Variants in PRDM10 observed in about 807,000 individuals in gnomAD.
The protein encoded by PRDM10 is PR domain zinc finger protein 10.
A neutral mutation model predicts 133.1 loss-of-function variants in PRDM10; 65 were observed. That is an observed-to-expected ratio of 0.49 (90% CI 0.40 to 0.60). The LOEUF is 0.60. Ranked by LOEUF, PRDM10 falls within the 20% of genes least tolerant of loss-of-function variation. The pLI, the probability that PRDM10 is intolerant of heterozygous loss-of-function variation, is 0.00. For missense variants in PRDM10, 1,137 were observed against 1,507.1 expected, an observed-to-expected ratio of 0.75 and a Z score of 4.07; for synonymous variants, 582 against 580.4, an observed-to-expected ratio of 1.00 and a Z score of -0.04.
intron 17 of PRDM10, among the ~76,000 whole-genome samples, chr11:129,912,647 G>A (rs1950224550): frequency 6.6e-6 from 1 of 152,068 alleles, no homozygotes; most frequent in Non-Finnish European, 1.5e-5. Context: ...AGCTACTAGG[G>A]AGGCTGAGGC....
chr11:129,999,930 C>T (rs1486513652), intron 1 of PRDM10, among the ~76,000 whole-genome samples: 1 of 151,912 alleles, frequency 6.6e-6, no homozygotes, highest in Non-Finnish European at 1.5e-5. Context: ...AAGATTATGT[C>T]GTTTGTACAA....
rs1949878411 is a variant in PRDM10, at chr11:129,902,639, T to G, written c.3268-123A>C. 5.6e-6 allele frequency: 8 copies of G among 1,423,306 alleles called. No individual in the cohort carries two copies. In the South Asian group the frequency reaches 1.2e-4, roughly 21 times the overall value. The allele number at this position is 1,423,306 out of a possible 1,614,324, so 88.2% of individuals were successfully genotyped here. ...ACCCAAAATAGGCATCTATGAGAGATGCTTTGCCTAGGTCCTTTAGAGAGG... is the reference window on the plus strand; with the variant it reads ...ACCCAAAATAGGCATCTATGAGAGAGGCTTTGCCTAGGTCCTTTAGAGAGG... On this transcript the variant is annotated intron_variant, in intron 20 of 20. Coordinates refer to ENST00000360871, the MANE Select transcript of PRDM10 (RefSeq NM_199437.2).
chr11:129,918,449 T>C lies in PRDM10; in HGVS notation c.2214+90A>G. On this transcript the variant is annotated intron_variant, in intron 14 of 20. Transcript: ENST00000360871. This position sits in a 1 kb window ranked among gnomAD's most constrained non-coding sequence, Gnocchi z 5.3. ...GACAAAACCATTGATCGATATAACT[T>C]AGGACACAATGCAACACAAACGTCA... 6.9e-7 allele frequency: 1 copy of C among 1,454,936 alleles called. No individual in the cohort carries two copies. The highest frequency in any genetic ancestry group is 9.3e-7 in the Non-Finnish European group (1 of 1,080,722). The allele number at this position is 1,454,936 out of a possible 1,614,324, so 90.1% of individuals were successfully genotyped here. A position where few individuals can be genotyped will look rare whatever the true frequency, so the allele number is the denominator to read the frequency against.
chr11:129,928,073 G>A (rs960004134), intron 11 of PRDM10, among the ~76,000 whole-genome samples: 12 of 152,288 alleles, frequency 7.9e-5, no homozygotes, highest in African/African-American at 2.9e-4. Flanking sequence ...ATTATTTGTA[G>A]ACAGAGATCA....
chr11:129,992,995 T>C (rs1042663687), intron 1 of PRDM10, among the ~76,000 whole-genome samples: 2 of 152,348 alleles, frequency 1.3e-5, no homozygotes, highest in East Asian at 1.9e-4. Flanking sequence ...TGCATTTCTC[T>C]AATATTGGAA....
chr11:129,987,643 T>C (rs1938501228), intron 1 of PRDM10, among the ~76,000 whole-genome samples: 1 of 144,892 alleles, frequency 6.9e-6, no homozygotes, highest in Non-Finnish European at 1.5e-5. Flanking sequence ...ATCCAAATAC[T>C]CATCAACTGA....
chr11:129,942,353 A>G (rs1591638360), intron 7 of PRDM10, 73 bp downstream of exon 7: 2 of 1,502,814 alleles, frequency 1.3e-6, no homozygotes, highest in East Asian at 4.5e-5. Context: ...CACTTTAGGA[A>G]AATAAAATTG....
chr11:129,946,708 G>C (rs1409351221), intron 5 of PRDM10, among the ~76,000 whole-genome samples: 1 of 152,198 alleles, frequency 6.6e-6, no homozygotes, highest in Non-Finnish European at 1.5e-5. Flanking sequence ...TAGACTCAGG[G>C]CACTCACGCC....
intron 1 of PRDM10, among the ~76,000 whole-genome samples, chr11:129,998,872 G>C (rs1476656965): frequency 6.6e-6 from 1 of 150,882 alleles, no homozygotes; most frequent in Non-Finnish European, 1.5e-5. Flanking sequence ...GCCCAGGCTG[G>C]AGTGCAGTGG....
In PRDM10 at chr11:129,905,638, C is replaced by T. The variant is rs768202059; in HGVS notation, c.3267G>A (p.Ser1089=). ...AACCCGACCGAGTAGCGTAGCTTAC[C>T]GAAGTAACCGCCTTCACCTGGCCAG... ...VTTGQVKAVT[S]GHYVLSESQS... Residue 1089 remains serine, a splice_region_variant and synonymous_variant, in exon 20 of 21, where the codon TCG becomes TCA. Transcript: ENST00000360871. 4 of 1,613,136 alleles carry T rather than the reference C, an allele frequency of 2.5e-6. No homozygotes were observed. Among genetic ancestry groups the T allele is most frequent in the South Asian group, 1.1e-5 (1 of 91,060 alleles).
At chr11:129,942,316 C>T (rs1951235614) in intron 7 of PRDM10, 110 bp downstream of exon 7, 4 of 1,082,556 alleles carry the variant, frequency 3.7e-6, no homozygotes, top group African/African-American at 3.2e-5. Context: ...AAAATGACCC[C>T]CCTCCCCCTT....
At chr11:129,979,519 G>A (rs1387705476) in intron 1 of PRDM10, among the ~76,000 whole-genome samples, 1 of 152,184 alleles carries the variant, frequency 6.6e-6, no homozygotes, top group African/African-American at 2.4e-5. Flanking sequence ...AAGGGAGACT[G>A]TGAGGTGCAT....
chr11:129,903,070 G>A (rs764774071), intron 20 of PRDM10, among the ~76,000 whole-genome samples: 12 of 152,072 alleles, frequency 7.9e-5, no homozygotes, highest in Middle Eastern at 3.4e-3. Flanking sequence ...CAAGGTGGGC[G>A]GATCACCTGA....
In PRDM10 at chr11:129,918,591, A is replaced by G; in HGVS notation, c.2162T>C (p.Phe721Ser). 5.6e-6 allele frequency: 9 copies of G among 1,614,166 alleles called. No individual in the cohort carries two copies. The highest frequency in any genetic ancestry group is 7.6e-6 in the Non-Finnish European group (9 of 1,180,010). ...CATGCACAGGCGGCACTTGAACGTG[A>G]AGCTGTCGTAGTCTGTGGACGTGAT... ...PRITSTDYDS[F>S]TFKCRLCMMG... The change falls in exon 14 of 21, where the codon TTC becomes TCC. Residue 721 changes from phenylalanine to serine, a missense_variant. By Grantham distance (155) the Phe-to-Ser change is radical. Around this residue, in one of 6 missense-constraint regions of PRDM10, gnomAD observed 78 missense variants for 96.4 expected, o/e 0.81. Coordinates refer to ENST00000360871, the MANE Select transcript of PRDM10 (RefSeq NM_199437.2). The surrounding 1 kb of genome is among the most constrained non-coding windows in gnomAD (Gnocchi z 5.3).
Position 129,945,163 on chromosome 11 carries a change from AT to A in PRDM10, c.521-152del. ...GGCGCTACCCATTCAACGGTAATAC[AT>A]TCTCTCTGGGAGACCAGTAAAAATC... On this transcript the variant is annotated intron_variant, in intron 5 of 20. Coordinates refer to ENST00000360871, the MANE Select transcript of PRDM10 (RefSeq NM_199437.2). The surrounding 1 kb of genome is among the most constrained non-coding windows in gnomAD (Gnocchi z 4.2). 2 of 975,352 alleles carry A rather than the reference AT, an allele frequency of 2.1e-6. No individual in the cohort carries two copies. Among genetic ancestry groups the A allele is most frequent in the South Asian group, 1.6e-5 (1 of 62,822 alleles). 60.4% of individuals were successfully genotyped at this position (975,352 alleles called of 1,614,324 possible).
Position 129,927,176 on chromosome 11 carries a change from C to CA in PRDM10, c.1531-1948dup, listed in dbSNP as rs57015735. On this transcript the variant is annotated intron_variant, in intron 11 of 20. Coordinates refer to ENST00000360871, the MANE Select transcript of PRDM10 (RefSeq NM_199437.2). The stretch of plus-strand genomic sequence containing the variant: ...TGGAGGTTGCAGTGAGACTCTGTCT[C>CA]AAAAAAAAAAAAAAAAAAAAAAAAA... 1.9e-4 allele frequency among the ~76,000 whole-genome samples: 15 copies of CA among 79,368 alleles called. 1 individual carries two copies. The highest frequency in any genetic ancestry group is 1.0e-3 in the Admixed American group (6 of 5,852). 52.1% of individuals were successfully genotyped at this position (79,368 alleles called of 152,430 possible).
chr11:129,966,325 T>C (rs1212068705), intron 1 of PRDM10, among the ~76,000 whole-genome samples: 2 of 152,194 alleles, frequency 1.3e-5, no homozygotes, highest in Non-Finnish European at 2.9e-5. Context: ...ATGTTATGTA[T>C]TTCATCGAGT....
intron 1 of PRDM10, among the ~76,000 whole-genome samples, chr11:129,961,468 C>A (rs1436498313): frequency 6.6e-6 from 1 of 152,040 alleles, no homozygotes; most frequent in Non-Finnish European, 1.5e-5. Context: ...CCATGCCCAG[C>A]TAATTTTTTA....
intron 20 of PRDM10, among the ~76,000 whole-genome samples, chr11:129,904,383 T>C (rs960601164): frequency 6.6e-6 from 1 of 152,202 alleles, no homozygotes. Flanking sequence ...CCATTTTATT[T>C]TGTGGCAAAA....
Sources: gnomAD v4.1 joint callset for allele counts (sites outside exome capture counted in the v4.1 genomes callset) on GRCh38, gnomAD v4.1.1 for gene constraint, gnomAD v4.1.1 regional missense constraint, Gnocchi (gnomAD v3.1) non-coding constraint, MANE v1.5 for transcripts, NCBI Gene and HGNC (gene_info 2026-07-23, HGNC 2026-07-21) for gene names.